Variants in RFX3 observed in about 807,000 individuals in gnomAD.
RFX3 encodes regulatory factor X3.
RFX3 carries 14 observed loss-of-function variants against 98.6 expected under a neutral mutation model. That is an observed-to-expected ratio of 0.14 (90% CI 0.09 to 0.22). RFX3 has a LOEUF of 0.22. Among genes scored for constraint, RFX3 ranks in the 10% least tolerant of loss-of-function variants. The pLI, the probability that RFX3 is intolerant of heterozygous loss-of-function variation, is 1.00. For missense variants in RFX3, 639 were observed against 926.9 expected (o/e 0.69, Z 4.03); for synonymous variants, 383 against 328.4 (o/e 1.17, Z -1.80).
At chr9:3,270,712 G>A in intron 10 of RFX3, 187 bp from the exon 11 acceptor site, 1 of 669,798 alleles carries the variant, frequency 1.5e-6, no homozygotes, top group South Asian at 2.0e-5. Flanking sequence ...CTCCCCCAGA[G>A]CTGTCTATGC....
At chr9:3,356,952 C>T (rs75171669) in intron 2 of RFX3, among the ~76,000 whole-genome samples, 1 of 139,936 alleles carries the variant, frequency 7.1e-6, no homozygotes, top group South Asian at 2.1e-4. Flanking sequence ...CACACACACA[C>T]ATACACACAT....
intron 5 of RFX3, among the ~76,000 whole-genome samples, chr9:3,300,038 G>A (rs985263645): frequency 6.6e-6 from 1 of 150,464 alleles, no homozygotes; most frequent in Admixed American, 6.6e-5. Context: ...TTGCACATTT[G>A]TGACTAAAAG....
At chr9:3,247,784 C>A in intron 15 of RFX3, 1 of 1,596,380 alleles carries the variant, frequency 6.3e-7, no homozygotes, top group East Asian at 2.3e-5. Context: ...ACATAGGTAC[C>A]TGTATAATAT....
chr9:3,317,704 G>C (rs1024393727), intron 4 of RFX3, among the ~76,000 whole-genome samples: 3 of 152,076 alleles, frequency 2.0e-5, no homozygotes, highest in African/African-American at 7.2e-5. Flanking sequence ...TCAAAAAGTG[G>C]GCAAAGGATA....
intron 13 of RFX3, among the ~76,000 whole-genome samples, chr9:3,258,470 T>G (rs1375642730): frequency 6.6e-6 from 1 of 152,106 alleles, no homozygotes; most frequent in Non-Finnish European, 1.5e-5. Flanking sequence ...TGAAGGCACT[T>G]CAAATGCAAA....
At chr9:3,262,803 T>C (rs635647) in intron 13 of RFX3, 132 bp downstream of exon 13, 488,764 of 962,672 alleles carry the variant, frequency 0.51, 130,968 homozygotes, top group Non-Finnish European at 0.56. Context: ...AACTCCTCTC[T>C]TTCAGAACAC....
intron 5 of RFX3, among the ~76,000 whole-genome samples, chr9:3,296,397 G>T (rs1005578213): frequency 7.2e-5 from 11 of 151,896 alleles, no homozygotes; most frequent in Middle Eastern, 3.4e-3. Flanking sequence ...GGCTATGCAG[G>T]CCACTGAAAT....
At chr9:3,228,352 C>T (rs1193967431) in intron 16 of RFX3, among the ~76,000 whole-genome samples, 1 of 152,120 alleles carries the variant, frequency 6.6e-6, no homozygotes, top group East Asian at 1.9e-4. Flanking sequence ...ATTAAAATTT[C>T]AGAAGTACAT....
At chr9:3,232,046 GC>G (rs1818534282) in intron 15 of RFX3, among the ~76,000 whole-genome samples, 1 of 151,196 alleles carries the variant, frequency 6.6e-6, no homozygotes, top group Non-Finnish European at 1.5e-5. Flanking sequence ...AAACAAGCAA[GC>G]AAGCAAGCAA....
At chr9:3,419,926 G>A (rs974851579) in intron 1 of RFX3, among the ~76,000 whole-genome samples, 5 of 152,154 alleles carry the variant, frequency 3.3e-5, no homozygotes, top group African/African-American at 7.2e-5. Context: ...AAGGCAAACC[G>A]TAAAATTCCA....
At chr9:3,299,206 A>G (rs1447636902) in intron 5 of RFX3, among the ~76,000 whole-genome samples, 1 of 151,766 alleles carries the variant, frequency 6.6e-6, no homozygotes, top group Non-Finnish European at 1.5e-5. Context: ...CAACATAAAA[A>G]CACCAGTTAA....
chr9:3,472,021 C>G (rs1487055465), intron 1 of RFX3, among the ~76,000 whole-genome samples: 1 of 152,176 alleles, frequency 6.6e-6, no homozygotes, highest in Non-Finnish European at 1.5e-5. Flanking sequence ...GGTCCTGGGA[C>G]ACAGAAGGGT....
At chr9:3,309,625 G>A (rs967441373) in intron 4 of RFX3, among the ~76,000 whole-genome samples, 1 of 152,080 alleles carries the variant, frequency 6.6e-6, no homozygotes, top group East Asian at 1.9e-4. Context: ...TAAACGTTGT[G>A]CTTGTGTTCT....
At chr9:3,399,222 G>A (rs1841226535) in intron 1 of RFX3, among the ~76,000 whole-genome samples, 1 of 150,678 alleles carries the variant, frequency 6.6e-6, no homozygotes, top group Non-Finnish European at 1.5e-5. Flanking sequence ...ATCACCTGAG[G>A]TCAGGAGTTC....
intron 1 of RFX3, among the ~76,000 whole-genome samples, chr9:3,488,231 G>A (rs1045917892): frequency 2.6e-5 from 4 of 152,130 alleles, no homozygotes; most frequent in Non-Finnish European, 4.4e-5. Context: ...GCTTCTCTCA[G>A]ATAATTTAAG....
At chr9:3,514,491 T>TC (rs1287106143) in intron 1 of RFX3, among the ~76,000 whole-genome samples, 1 of 152,164 alleles carries the variant, frequency 6.6e-6, no homozygotes, top group Non-Finnish European at 1.5e-5. Flanking sequence ...AGACAGGGTT[T>TC]CCCTCTGTTG....
At chr9:3,344,207 G>C (rs1834188869) in intron 3 of RFX3, among the ~76,000 whole-genome samples, 1 of 152,102 alleles carries the variant, frequency 6.6e-6, no homozygotes, top group Admixed American at 6.6e-5. Context: ...AATGTTCATT[G>C]AGTGTGTCCT....
chr9:3,464,925 T>C (rs1848065065), intron 1 of RFX3, among the ~76,000 whole-genome samples: 1 of 152,034 alleles, frequency 6.6e-6, no homozygotes, highest in Non-Finnish European at 1.5e-5. Flanking sequence ...AAAAAAAAAT[T>C]CAAAAGTTAT....
chr9:3,521,459 G>T (rs1587928258), intron 1 of RFX3, among the ~76,000 whole-genome samples: 2 of 152,154 alleles, frequency 1.3e-5, no homozygotes, highest in East Asian at 3.9e-4. Context: ...AAAAGTTCTA[G>T]TGAGTTCACA....
Sources: gnomAD v4.1 joint callset for allele counts (sites outside exome capture counted in the v4.1 genomes callset) on GRCh38, gnomAD v4.1.1 for gene constraint, MANE v1.5 for transcripts, NCBI Gene and HGNC (gene_info 2026-07-23, HGNC 2026-07-21) for gene names.